The following TAFA1 variants were observed in gnomAD, a reference collection of about 807,000 sequenced individuals.
TAFA1 encodes the protein TAFA chemokine like family member 1.
A neutral mutation model predicts 18.5 loss-of-function variants in TAFA1; 4 were observed. The ratio of observed to expected loss-of-function variants is 0.22; its 90% CI spans 0.11 to 0.49. TAFA1 has a LOEUF of 0.49. Among genes scored for constraint, TAFA1 ranks in the 20% least tolerant of loss-of-function variants. The probability of loss-of-function intolerance (pLI) is 0.98; values close to 1 mark genes in which losing one functional copy is unlikely to be tolerated. For synonymous variants in TAFA1, 56 were observed against 55.2 expected (o/e 1.01, Z -0.06); for missense variants, 147 against 169.0 (o/e 0.87, Z 0.72).
chr3:68,402,140 G>T (rs924040082), intron 2 of TAFA1, among the ~76,000 whole-genome samples: 2 of 152,166 alleles, frequency 1.3e-5, no homozygotes, highest in African/African-American at 2.4e-5. Flanking sequence ...TGAAATTAGT[G>T]AGCATGAGAT....
chr3:68,397,465 T>C (rs2070404391), intron 2 of TAFA1, among the ~76,000 whole-genome samples: 1 of 152,184 alleles, frequency 6.6e-6, no homozygotes, highest in Non-Finnish European at 1.5e-5. Context: ...TCCAGCTTCA[T>C]CCATGTCCCT....
chr3:68,463,130 G>C (rs1388737210), intron 3 of TAFA1, among the ~76,000 whole-genome samples: 1 of 152,136 alleles, frequency 6.6e-6, no homozygotes, highest in Non-Finnish European at 1.5e-5. Flanking sequence ...GGGCATCATA[G>C]AGTTTTCTAG....
intron 3 of TAFA1, among the ~76,000 whole-genome samples, chr3:68,442,401 T>G (rs2071400236): frequency 6.6e-6 from 1 of 152,102 alleles, no homozygotes; most frequent in African/African-American, 2.4e-5. Context: ...CAAAGACAAC[T>G]CATTTATCCA....
At chr3:68,188,622 T>C (rs1035981521) in intron 2 of TAFA1, among the ~76,000 whole-genome samples, 3 of 151,744 alleles carry the variant, frequency 2.0e-5, no homozygotes, top group African/African-American at 7.3e-5. Context: ...ATCTATGTTA[T>C]GTTTACAGAA....
intron 2 of TAFA1, among the ~76,000 whole-genome samples, chr3:68,111,526 A>G (rs1387789331): frequency 6.6e-6 from 1 of 152,168 alleles, no homozygotes; most frequent in Admixed American, 6.5e-5. Context: ...AATTATGAAT[A>G]TAAATGACAT....
chr3:68,336,870 T>G (rs926744128), intron 2 of TAFA1, among the ~76,000 whole-genome samples: 1 of 152,168 alleles, frequency 6.6e-6, no homozygotes, highest in Non-Finnish European at 1.5e-5. Context: ...ATTACAGGCA[T>G]GCACTACCAT....
intron 2 of TAFA1, among the ~76,000 whole-genome samples, chr3:68,335,813 GA>G (rs1428068308): frequency 2.6e-5 from 4 of 152,172 alleles, no homozygotes; most frequent in Admixed American, 1.3e-4. Context: ...AATGCCCTTA[GA>G]AAAGAAGAAA....
In TAFA1 at chr3:68,544,717, AG is replaced by A. The variant is rs1339722799; in HGVS notation, c.*217del. 20 of 465,386 alleles carry A rather than the reference AG, an allele frequency of 4.3e-5. No homozygotes were observed. Among genetic ancestry groups the A allele is most frequent in the Non-Finnish European group, 6.5e-5 (17 of 262,802 alleles). The allele number at this position is 465,386 out of a possible 1,614,324, so 28.8% of individuals were successfully genotyped here. ...ACACCATGGAAAGTGGGCTTAAAAAAGGGTTTTCTCAGTGAAATTTTTGGGC... is the reference window on the plus strand; with the variant it reads ...ACACCATGGAAAGTGGGCTTAAAAAAGGTTTTCTCAGTGAAATTTTTGGGC... On this transcript the variant is annotated 3_prime_UTR_variant, in exon 5 of 5. Coordinates refer to ENST00000478136, the MANE Select transcript of TAFA1 (RefSeq NM_213609.4).
At chr3:68,532,851 A>G (rs1396309249) in intron 3 of TAFA1, among the ~76,000 whole-genome samples, 1 of 150,528 alleles carries the variant, frequency 6.6e-6, no homozygotes. Context: ...TGAAAAAATT[A>G]TGTTTAGAGA....
chr3:68,532,020 T>G (rs912814463), intron 3 of TAFA1, among the ~76,000 whole-genome samples: 6 of 152,228 alleles, frequency 3.9e-5, no homozygotes, highest in Non-Finnish European at 5.9e-5. Context: ...TATATTTTTC[T>G]TATGCAGGGT....
chr3:68,328,165 A>G (rs9867728), intron 2 of TAFA1, among the ~76,000 whole-genome samples: 7,072 of 152,168 alleles, frequency 0.046, 180 homozygotes, highest in African/African-American at 0.073. Flanking sequence ...AGCCAGCCTC[A>G]TATTTTATAT....
intron 2 of TAFA1, among the ~76,000 whole-genome samples, chr3:68,165,683 CA>C (rs2065974602): frequency 6.6e-6 from 1 of 152,234 alleles, no homozygotes; most frequent in African/African-American, 2.4e-5. Flanking sequence ...ATTTATTCAT[CA>C]AGTGCTTTCT....
At chr3:68,108,005 A>T (rs145210439) in intron 2 of TAFA1, among the ~76,000 whole-genome samples, 202 of 152,232 alleles carry the variant, frequency 1.3e-3, no homozygotes, top group African/African-American at 4.5e-3. Flanking sequence ...CGTATGGGTG[A>T]GGAAGTGCAG....
intron 2 of TAFA1, among the ~76,000 whole-genome samples, chr3:68,279,152 G>T (rs749861680): frequency 1.3e-5 from 2 of 152,108 alleles, no homozygotes; most frequent in Non-Finnish European, 2.9e-5. Flanking sequence ...TGACCTCAAA[G>T]TTTCCTAAAT....
At chr3:68,011,524 T>A (rs1704470744) in intron 2 of TAFA1, among the ~76,000 whole-genome samples, 1 of 152,260 alleles carries the variant, frequency 6.6e-6, no homozygotes, top group African/African-American at 2.4e-5. Flanking sequence ...GTATGCCTTA[T>A]ACTTATTTTT....
chr3:68,201,976 G>T (rs147220194), intron 2 of TAFA1, among the ~76,000 whole-genome samples: 1 of 151,774 alleles, frequency 6.6e-6, no homozygotes, highest in African/African-American at 2.4e-5. Context: ...ATTCATTCCT[G>T]TGAGAATTAA....
At chr3:68,354,415 AC>A (rs1178761983) in intron 2 of TAFA1, among the ~76,000 whole-genome samples, 6 of 152,052 alleles carry the variant, frequency 3.9e-5, no homozygotes, top group Non-Finnish European at 7.4e-5. Flanking sequence ...TTTAGGCATG[AC>A]ATGTGCCTTC....
intron 2 of TAFA1, among the ~76,000 whole-genome samples, chr3:68,323,348 C>G (rs1337262648): frequency 6.6e-6 from 1 of 152,106 alleles, no homozygotes; most frequent in African/African-American, 2.4e-5. Flanking sequence ...GTGGCCAGAA[C>G]TAGAGAACAG....
intron 2 of TAFA1, among the ~76,000 whole-genome samples, chr3:68,232,795 G>A (rs2066887241): frequency 6.6e-6 from 1 of 152,012 alleles, no homozygotes; most frequent in Admixed American, 6.6e-5. Flanking sequence ...GTAGAGATGA[G>A]GTCTCGTTAC....
Sources: gnomAD v4.1 joint callset for allele counts (sites outside exome capture counted in the v4.1 genomes callset) on GRCh38, gnomAD v4.1.1 for gene constraint, MANE v1.5 for transcripts, NCBI Gene and HGNC (gene_info 2026-07-23, HGNC 2026-07-21) for gene names.